Variants in USP4 observed in about 807,000 individuals in gnomAD.
USP4 encodes the protein ubiquitin carboxyl-terminal hydrolase 4.
In USP4, 72 loss-of-function variants were observed where a neutral mutation model predicts 118.2. The observed-to-expected ratio is 0.61, with a 90% CI of 0.50 to 0.74. The LOEUF (loss-of-function observed/expected upper bound fraction) is 0.74. Ranked by LOEUF, USP4 falls within the 30% of genes least tolerant of loss-of-function variation. USP4 has a pLI of 0.00. For synonymous variants in USP4, 415 were observed against 440.4 expected, an observed-to-expected ratio of 0.94 and a Z score of 0.72; for missense variants, 1,037 against 1,185.7, an observed-to-expected ratio of 0.87 and a Z score of 1.84.
intron 1 of USP4, among the ~76,000 whole-genome samples, chr3:49,338,386 G>A (rs537436881): frequency 1.3e-5 from 2 of 152,116 alleles, no homozygotes; most frequent in African/African-American, 2.4e-5. Flanking sequence ...TAGGCCGGGC[G>A]CAGTAGCTTC....
At chr3:49,331,319 CA>C (rs57599688) in intron 2 of USP4, among the ~76,000 whole-genome samples, 116,338 of 146,920 alleles carry the variant, frequency 0.79, 46,066 homozygotes, top group East Asian at 0.99. Context: ...AACTCCGACT[CA>C]AAAAAAAAAA....
chr3:49,317,512 TTTTTG>T (rs1024658770), intron 6 of USP4: 31 of 639,546 alleles, frequency 4.8e-5, no homozygotes, highest in South Asian at 1.8e-4. Flanking sequence ...TTTCACTCTT[TTTTTG>T]TTTTGTTTTG....
At chr3:49,309,619 CT>C (rs35128646) in intron 8 of USP4, among the ~76,000 whole-genome samples, 62 of 79,394 alleles carry the variant, frequency 7.8e-4, no homozygotes, top group African/African-American at 2.2e-3. Flanking sequence ...GGCGGGACAG[CT>C]TTTTTTTTTT....
At chr3:49,283,839 T>C (rs1313949281) in intron 19 of USP4, 148 bp downstream of exon 19, 3 of 853,922 alleles carry the variant, frequency 3.5e-6, no homozygotes, top group East Asian at 5.1e-5. Context: ...ACAGAAGGGG[T>C]AACTACAGCT....
At chr3:49,295,288 C>CAAAGAAAAAAA (rs2047191568) in intron 13 of USP4, among the ~76,000 whole-genome samples, 3 of 11,928 alleles carry the variant, frequency 2.5e-4, no homozygotes, top group African/African-American at 8.1e-4. Flanking sequence ...GACTCCATCT[C>CAAAGAAAAAAA]AAAAAAAAAA....
chr3:49,327,612 C>G (rs2047570157), intron 3 of USP4, 74 bp downstream of exon 3: 2 of 1,535,292 alleles, frequency 1.3e-6, no homozygotes, highest in Non-Finnish European at 1.8e-6. Flanking sequence ...ATTTTCCTAG[C>G]AAACACTAGT....
At chr3:49,288,679 A>AAAAAG (rs772358750) in intron 15 of USP4, among the ~76,000 whole-genome samples, 1 of 152,012 alleles carries the variant, frequency 6.6e-6, no homozygotes, top group Middle Eastern at 3.4e-3. Context: ...CCACCTCAAA[A>AAAAAG]AAAAGAAAAG....
Position 49,284,079 on chromosome 3 carries a change from G to T in USP4, c.2448C>A (p.Ser816=). 1.2e-6 allele frequency: 2 copies of T among 1,614,258 alleles called. No individual in the cohort carries two copies. ...GGTGGACCACCAGGATCTTGGGCAA[G>T]GACCATAGGTCAAACTTTTTTGTGG... is the stretch of plus-strand genomic sequence containing the variant. The part of the protein sequence containing the change: ...QQATKKFDLW[S]LPKILVVHLK... Residue 816 remains serine (S), a synonymous_variant, in exon 19 of 22, where the codon TCC becomes TCA. Coordinates refer to ENST00000265560, the MANE Select transcript of USP4 (RefSeq NM_003363.4).
At chr3:49,278,734 A>AC (rs757467088) in intron 21 of USP4, 80 bp downstream of exon 21, 11 of 1,158,016 alleles carry the variant, frequency 9.5e-6, no homozygotes, top group Middle Eastern at 2.0e-4. Flanking sequence ...TGATGAAATA[A>AC]CCAACTAGCC....
Position 49,336,877 on chromosome 3 carries a change from T to C in USP4, c.102-1281A>G, listed in dbSNP as rs186421682. Reference sequence around the variant, plus strand: ...AGAAGTCCCACTCCAGGCAGACAGTTTGGTTACACTGTTTTGCTTGACATG... The same window carrying C: ...AGAAGTCCCACTCCAGGCAGACAGTCTGGTTACACTGTTTTGCTTGACATG... On this transcript the variant is annotated intron_variant, in intron 1 of 21. Coordinates refer to ENST00000265560, the MANE Select transcript of USP4 (RefSeq NM_003363.4). Among the ~76,000 whole-genome samples, 4 of 152,214 alleles carry C rather than the reference T, an allele frequency of 2.6e-5. No homozygotes were observed. In the East Asian group the frequency reaches 7.7e-4, roughly 29 times the overall value.
intron 14 of USP4, chr3:49,293,455 C>G (rs2047171674): frequency 6.5e-6 from 1 of 154,212 alleles, no homozygotes; most frequent in South Asian, 2.0e-4. Flanking sequence ...GAGTGAAACT[C>G]CATCTCAAAA....
rs1041101925 is a variant in USP4, at chr3:49,284,689, A to G, written c.2272-105T>C. The G allele has an allele frequency of 2.4e-6, 3 of 1,233,426 alleles. No homozygotes were observed. The African/African-American group carries it at 4.5e-5, about 18-fold the overall frequency. 76.4% of individuals were successfully genotyped at this position (1,233,426 alleles called of 1,614,324 possible). On this transcript the variant is annotated intron_variant, in intron 17 of 21. Coordinates refer to ENST00000265560, the MANE Select transcript of USP4 (RefSeq NM_003363.4). ...CCACCTGGAATGTAGTACACTTTCT[A>G]GAGCCTCTGAATATAAAATGACAAA...
intron 15 of USP4, among the ~76,000 whole-genome samples, chr3:49,291,887 C>T (rs1484409607): frequency 6.6e-6 from 1 of 151,686 alleles, no homozygotes; most frequent in African/African-American, 2.4e-5. Context: ...GATCTTGGCT[C>T]ACTGCAAGCT....
intron 6 of USP4, among the ~76,000 whole-genome samples, chr3:49,315,291 T>C (rs927359230): frequency 6.6e-5 from 10 of 152,120 alleles, no homozygotes; most frequent in Non-Finnish European, 1.0e-4. Flanking sequence ...GAGGTTGCAG[T>C]GAACTATGAT....
chr3:49,282,176 G>C (rs1327857728), intron 19 of USP4, among the ~76,000 whole-genome samples: 1 of 152,132 alleles, frequency 6.6e-6, no homozygotes, highest in Non-Finnish European at 1.5e-5. Flanking sequence ...CAGAATTACA[G>C]TTGGTGCCAT....
At chr3:49,327,619 T>C (rs1401451412) in intron 3 of USP4, 67 bp downstream of exon 3, 1 of 1,569,938 alleles carries the variant, frequency 6.4e-7, no homozygotes, top group East Asian at 2.3e-5. Context: ...TAGCAAACAC[T>C]AGTCAGTGTC....
chr3:49,318,493 G>T (rs1011718116), intron 6 of USP4: 1 of 985,322 alleles, frequency 1.0e-6, no homozygotes, highest in African/African-American at 1.7e-5. Flanking sequence ...ACAAAGCCAG[G>T]TCTACACAAA....
chr3:49,317,208 C>T, intron 6 of USP4: 4 of 1,503,092 alleles, frequency 2.7e-6, no homozygotes, highest in East Asian at 2.3e-5. Context: ...AGGTGGCCTC[C>T]GTCTCCGCGA....
intron 8 of USP4, among the ~76,000 whole-genome samples, chr3:49,309,147 G>C (rs781227180): frequency 1.7e-4 from 26 of 151,720 alleles, no homozygotes; most frequent in Non-Finnish European, 3.4e-4. Flanking sequence ...TCTTCCCTTG[G>C]CTGATTTTAG....
Sources: gnomAD v4.1 joint callset for allele counts (sites outside exome capture counted in the v4.1 genomes callset) on GRCh38, gnomAD v4.1.1 for gene constraint, MANE v1.5 for transcripts, NCBI Gene and HGNC (gene_info 2026-07-23, HGNC 2026-07-21) for gene names.